The following GNG10 variants were observed in gnomAD, a reference collection of about 807,000 sequenced individuals.
GNG10 encodes G protein subunit gamma 10, also known as guanine nucleotide-binding protein G(I)/G(S)/G(O) subunit gamma-10.
Under a neutral mutation model 6.8 loss-of-function variants are expected in GNG10, and 7 were observed. The ratio of observed to expected loss-of-function variants is 1.02; its 90% confidence interval spans 0.58 to 1.92. The LOEUF (loss-of-function observed/expected upper bound fraction) is 1.92. Among genes scored for constraint, GNG10 ranks in the 30% most tolerant of loss-of-function variants. GNG10 has a pLI of 0.00. For missense variants in GNG10, 57 were observed against 86.1 expected, an observed-to-expected ratio of 0.66 and a Z score of 1.34; for synonymous variants, 28 against 34.8, an observed-to-expected ratio of 0.80 and a Z score of 0.69.
In GNG10 at chr9:111,670,101, C is replaced by T. The variant is rs975464423; in HGVS notation, c.*839C>T. The T allele has an allele frequency of 6.6e-6, 1 of 152,614 alleles. No homozygotes were observed. Among genetic ancestry groups the T allele is most frequent in the Non-Finnish European group, 1.5e-5 (1 of 68,018 alleles). The allele number at this position is 152,614 out of a possible 1,614,324, so 9.5% of individuals were successfully genotyped here. A position where few individuals can be genotyped will look rare whatever the true frequency, so the allele number is the denominator to read the frequency against. The stretch of plus-strand genomic sequence containing the variant: ...TATTACAACCTAAAAGAATTCTTAA[C>T]TTCACAAGTGTTTTACTTCGACGAT... On this transcript the variant is annotated 3_prime_UTR_variant, in exon 3 of 3. Coordinates refer to ENST00000374293, the MANE Select transcript of GNG10 (RefSeq NM_001017998.4).
chr9:111,665,969 C>T (rs903051547), intron 1 of GNG10, among the ~76,000 whole-genome samples: 3 of 148,864 alleles, frequency 2.0e-5, no homozygotes, highest in Non-Finnish European at 3.0e-5. Context: ...CTCCTGACCT[C>T]GTGATCTGCC....
At chr9:111,667,613 C>G (rs748743745) in intron 2 of GNG10, among the ~76,000 whole-genome samples, 1 of 152,114 alleles carries the variant, frequency 6.6e-6, no homozygotes, top group East Asian at 1.9e-4. Flanking sequence ...TATCAACTGA[C>G]TTGCTACTCT....
chr9:111,664,289 G>A (rs1830868057), intron 1 of GNG10, among the ~76,000 whole-genome samples: 1 of 152,140 alleles, frequency 6.6e-6, no homozygotes, highest in Admixed American at 6.6e-5. Flanking sequence ...TGGGGTACTT[G>A]GCAGGGCTTC....
At chr9:111,669,040 G>A (rs1402666457) in intron 2 of GNG10, among the ~76,000 whole-genome samples, 2 of 151,746 alleles carry the variant, frequency 1.3e-5, no homozygotes, top group African/African-American at 2.4e-5. Context: ...TGTATTTTTA[G>A]TAGAGGCAGG....
chr9:111,664,699 ACTCTT>A (rs899823082), intron 1 of GNG10, among the ~76,000 whole-genome samples: 3 of 151,294 alleles, frequency 2.0e-5, no homozygotes, highest in Non-Finnish European at 4.4e-5. Flanking sequence ...GATCACGTTT[ACTCTT>A]CTCTTATTTT....
chr9:111,664,054 C>A (rs556049442), intron 1 of GNG10, among the ~76,000 whole-genome samples: 1 of 148,586 alleles, frequency 6.7e-6, no homozygotes, highest in South Asian at 2.1e-4. Context: ...AGGCTGGTAT[C>A]GATCTCCTGA....
At position 111,661,613 on chromosome 9, in the gene GNG10, C is replaced by T. The variant is rs755471147; in HGVS notation, c.-22C>T. The T allele has an allele frequency of 3.1e-6, 4 of 1,289,854 alleles. No individual in the cohort carries two copies. The highest frequency in any genetic ancestry group is 4.0e-6 in the Non-Finnish European group (4 of 996,650). 79.9% of individuals were successfully genotyped at this position (1,289,854 alleles called of 1,614,324 possible). ...CCCGCCCGGCCGGGCCCAGCAGCCC[C>T]TAGGAGCCCAGCGCCGCCGCCATGT... is the stretch of plus-strand genomic sequence containing the variant. On this transcript the variant is annotated 5_prime_UTR_variant, in exon 1 of 3. Transcript: ENST00000374293. This position sits in a 1 kb window ranked among gnomAD's most constrained non-coding sequence, Gnocchi z 6.1.
intron 1 of GNG10, among the ~76,000 whole-genome samples, chr9:111,664,007 G>C (rs898122230): frequency 9.6e-6 from 1 of 104,366 alleles, no homozygotes; most frequent in African/African-American, 3.6e-5. Flanking sequence ...TTTTTTTTTT[G>C]TATTTTTAGT....
chr9:111,669,852 T>C lies in GNG10; in HGVS notation c.*590T>C, dbSNP rs1830971102. 2 of 131,424 alleles carry C rather than the reference T, an allele frequency of 1.5e-5. No homozygotes were observed. The highest frequency in any genetic ancestry group is 8.3e-5 in the Admixed American group (1 of 12,120). 8.1% of individuals were successfully genotyped at this position (131,424 alleles called of 1,614,324 possible). A position where few individuals can be genotyped will look rare whatever the true frequency, so the allele number is the denominator to read the frequency against. On this transcript the variant is annotated 3_prime_UTR_variant, in exon 3 of 3. Transcript: ENST00000374293. The stretch of plus-strand genomic sequence containing the variant: ...ATTGCTTTATTTTTAACACTAATTA[T>C]GGGAGCAGATTCTTAGCAAACTTCT...
chr9:111,669,257 C>T lies in GNG10; in HGVS notation c.*7-12C>T, dbSNP rs1420990573. On this transcript the variant is annotated splice_polypyrimidine_tract_variant and intron_variant, in intron 2 of 2. Coordinates refer to ENST00000374293, the MANE Select transcript of GNG10 (RefSeq NM_001017998.4). The stretch of plus-strand genomic sequence containing the variant: ...CTTACTAAAGTGAAAACCAAACAAA[C>T]TCTTTTTCCAGTAGGAGAGAAGTTT... 1 of 152,204 alleles carries T rather than the reference C, an allele frequency of 6.6e-6. No homozygotes were observed. The highest frequency in any genetic ancestry group is 6.5e-5 in the Admixed American group (1 of 15,286). The allele number at this position is 152,204 out of a possible 1,614,324, so 9.4% of individuals were successfully genotyped here. A position where few individuals can be genotyped will look rare whatever the true frequency, so the allele number is the denominator to read the frequency against.
chr9:111,663,647 CTG>C (rs1299697940), intron 1 of GNG10, among the ~76,000 whole-genome samples: 2 of 151,800 alleles, frequency 1.3e-5, no homozygotes, highest in Non-Finnish European at 2.9e-5. Context: ...GGTGTTGTAA[CTG>C]TATCTGTTGG....
intron 2 of GNG10, among the ~76,000 whole-genome samples, chr9:111,667,988 C>G (rs1830932245): frequency 6.6e-6 from 1 of 152,064 alleles, no homozygotes; most frequent in South Asian, 2.1e-4. Context: ...ACCCGAGTAG[C>G]TGGGATTACA....
In GNG10 at chr9:111,663,367, G is replaced by T. The variant is rs184376191; in HGVS notation, c.81+1652G>T. Among the ~76,000 whole-genome samples, 58 of 152,272 alleles carry T rather than the reference G, an allele frequency of 3.8e-4. 1 individual carries two copies. The highest frequency in any genetic ancestry group is 1.3e-3 in the African/African-American group (55 of 41,554). On this transcript the variant is annotated intron_variant, in intron 1 of 2. Coordinates refer to ENST00000374293, the MANE Select transcript of GNG10 (RefSeq NM_001017998.4). ...AAAGAGGAGTAAGTTAGCAGGGGAGGTATGCCAGAAAGGTGGAGGTGGGGC... is the reference window on the plus strand; with the variant it reads ...AAAGAGGAGTAAGTTAGCAGGGGAGTTATGCCAGAAAGGTGGAGGTGGGGC...
intron 1 of GNG10, among the ~76,000 whole-genome samples, chr9:111,665,668 T>C (rs1227831868): frequency 6.6e-6 from 1 of 152,172 alleles, no homozygotes; most frequent in Non-Finnish European, 1.5e-5. Flanking sequence ...GAGGACTAGC[T>C]TGGAACTTGC....
chr9:111,661,809 CGGT>C lies in GNG10; in HGVS notation c.81+97_81+99del. Reference sequence around the variant, plus strand: ...CCGGACCGGGCGCCAGCGGGGGACTCGGTGGCGGCGGCGAGGCCTCGGCGGGGC... The same window carrying C: ...CCGGACCGGGCGCCAGCGGGGGACTCGGCGGCGGCGAGGCCTCGGCGGGGC... On this transcript the variant is annotated intron_variant, in intron 1 of 2. Coordinates refer to ENST00000374293, the MANE Select transcript of GNG10 (RefSeq NM_001017998.4). This position sits in a 1 kb window ranked among gnomAD's most constrained non-coding sequence, Gnocchi z 6.1. 2 of 672,450 alleles carry C rather than the reference CGGT, an allele frequency of 3.0e-6. No homozygotes were observed. Among genetic ancestry groups the C allele is most frequent in the Non-Finnish European group, 4.0e-6 (2 of 501,366 alleles). 41.7% of individuals were successfully genotyped at this position (672,450 alleles called of 1,614,324 possible).
rs771940200 is a variant in GNG10, at chr9:111,661,668, C to G, written c.34C>G (p.Arg12Gly). 4 of 1,383,964 alleles carry G rather than the reference C, an allele frequency of 2.9e-6. No individual in the cohort carries two copies. Among genetic ancestry groups the G allele is most frequent in the South Asian group, 1.5e-5 (1 of 68,290 alleles). The allele number at this position is 1,383,964 out of a possible 1,614,324, so 85.7% of individuals were successfully genotyped here. A position where few individuals can be genotyped will look rare whatever the true frequency, so the allele number is the denominator to read the frequency against. The change falls in exon 1 of 3, where the codon CGC becomes GGC. Residue 12 changes from arginine to glycine, a missense_variant. Transcript: ENST00000374293. The surrounding 1 kb of genome is among the most constrained non-coding windows in gnomAD (Gnocchi z 6.1). Reference sequence around the variant, plus strand: ...CGGGGCTAGCGCGAGCGCCCTGCAGCGCTTGGTAGAGCAGCTCAAGTTGGA... The same window carrying G: ...CGGGGCTAGCGCGAGCGCCCTGCAGGGCTTGGTAGAGCAGCTCAAGTTGGA... ...SSGASASALQRLVEQLKLEAG... is the reference protein window; with the variant it reads ...SSGASASALQGLVEQLKLEAG...
At chr9:111,662,872 A>G (rs145175997) in intron 1 of GNG10, among the ~76,000 whole-genome samples, 34 of 152,350 alleles carry the variant, frequency 2.2e-4, no homozygotes, top group African/African-American at 7.5e-4. Context: ...TTCTTTTTAA[A>G]GAAACCTAGT....
chr9:111,661,606 G>C lies in GNG10; in HGVS notation c.-29G>C, dbSNP rs750629259. On this transcript the variant is annotated 5_prime_UTR_variant, in exon 1 of 3. Transcript: ENST00000374293. The surrounding 1 kb of genome is among the most constrained non-coding windows in gnomAD (Gnocchi z 6.1). Reference sequence around the variant, plus strand: ...GCTCCTCCCCGCCCGGCCGGGCCCAGCAGCCCCTAGGAGCCCAGCGCCGCC... The same window carrying C: ...GCTCCTCCCCGCCCGGCCGGGCCCACCAGCCCCTAGGAGCCCAGCGCCGCC... 16 of 1,250,006 alleles carry C rather than the reference G, an allele frequency of 1.3e-5. No homozygotes were observed. Among genetic ancestry groups the C allele is most frequent in the Non-Finnish European group, 3.1e-6 (3 of 975,264 alleles). The allele number at this position is 1,250,006 out of a possible 1,614,324, so 77.4% of individuals were successfully genotyped here.
chr9:111,664,035 A>G (rs1189437131), intron 1 of GNG10, among the ~76,000 whole-genome samples: 1 of 147,194 alleles, frequency 6.8e-6, no homozygotes, highest in South Asian at 2.2e-4. Flanking sequence ...GAGTTTCACC[A>G]TATTGGCCAG....
Sources: allele counts gnomAD v4.1 joint callset (sites outside exome capture counted in the v4.1 genomes callset), GRCh38; gene constraint gnomAD v4.1.1; non-coding constraint Gnocchi (gnomAD v3.1); transcripts MANE v1.5; gene names NCBI Gene and HGNC (gene_info 2026-07-23, HGNC 2026-07-21).